Variants in FAM135B observed in about 807,000 individuals in gnomAD.
FAM135B encodes protein FAM135B.
A neutral mutation model predicts 127.7 loss-of-function variants in FAM135B; 43 were observed. The ratio of observed to expected loss-of-function variants is 0.34; its 90% CI spans 0.26 to 0.43. The LOEUF (loss-of-function observed/expected upper bound fraction) is 0.43. Among genes scored for constraint, FAM135B ranks in the 20% least tolerant of loss-of-function variants. FAM135B has a pLI of 1.00. For missense variants in FAM135B, 1,558 were observed against 1,725.6 expected (o/e 0.90, Z 1.72); for synonymous variants, 670 against 665.1 (o/e 1.01, Z -0.11).
intron 8 of FAM135B, among the ~76,000 whole-genome samples, chr8:138,196,087 T>C (rs1816605530): frequency 6.6e-6 from 1 of 152,266 alleles, no homozygotes; most frequent in Non-Finnish European, 1.5e-5. Flanking sequence ...GTCACGGCTA[T>C]GTATCCTCAG....
chr8:138,176,637 G>C (rs763043685), intron 11 of FAM135B, among the ~76,000 whole-genome samples: 3 of 152,146 alleles, frequency 2.0e-5, no homozygotes, highest in Non-Finnish European at 4.4e-5. Context: ...AAGTCTCCAC[G>C]TCCATCTTGA....
chr8:138,220,658 G>A (rs766152844), intron 7 of FAM135B, among the ~76,000 whole-genome samples: 3 of 151,976 alleles, frequency 2.0e-5, no homozygotes, highest in Non-Finnish European at 4.4e-5. Flanking sequence ...GGATGGTAAT[G>A]ATGCTAGTGG....
intron 3 of FAM135B, among the ~76,000 whole-genome samples, chr8:138,267,969 T>G (rs1002997374): frequency 6.6e-6 from 1 of 152,186 alleles, no homozygotes; most frequent in Non-Finnish European, 1.5e-5. Context: ...GCCCCACTGA[T>G]CTATAAGCCA....
At chr8:138,412,687 G>T (rs1411618611) in intron 1 of FAM135B, among the ~76,000 whole-genome samples, 1 of 152,196 alleles carries the variant, frequency 6.6e-6, no homozygotes, top group Non-Finnish European at 1.5e-5. Context: ...TCTTTGACCA[G>T]AGGGCAATGG....
At chr8:138,137,290 T>C (rs576943673) in intron 18 of FAM135B, 30 bp from the exon 19 acceptor site, 3 of 1,227,722 alleles carry the variant, frequency 2.4e-6, no homozygotes, top group East Asian at 4.6e-5. Flanking sequence ...GAGTGCTTTT[T>C]ACCCAGGTAG....
intron 1 of FAM135B, among the ~76,000 whole-genome samples, chr8:138,485,840 G>T (rs1156877157): frequency 6.6e-6 from 1 of 152,126 alleles, no homozygotes; most frequent in African/African-American, 2.4e-5. Flanking sequence ...CAAAAAGCAA[G>T]CTAAGAGACG....
Position 138,286,795 on chromosome 8 carries a change from G to A in FAM135B, c.158-20953C>T, listed in dbSNP as rs73439098. 2.8e-3 allele frequency among the ~76,000 whole-genome samples: 429 copies of A among 152,290 alleles called. 1 individual carries two copies. Among genetic ancestry groups the A allele is most frequent in the African/African-American group, 9.2e-3 (381 of 41,572 alleles). Reference sequence around the variant, plus strand: ...GCACACTCAGTCAGCAGGGAGCCTCGGGAGGAGAGTCACTCATGAGGGACC... The same window carrying A: ...GCACACTCAGTCAGCAGGGAGCCTCAGGAGGAGAGTCACTCATGAGGGACC... On this transcript the variant is annotated intron_variant, in intron 3 of 19. Transcript: ENST00000395297.
intron 7 of FAM135B, among the ~76,000 whole-genome samples, chr8:138,239,920 G>A (rs1434398427): frequency 4.8e-5 from 7 of 146,988 alleles, no homozygotes; most frequent in Non-Finnish European, 7.4e-5. Context: ...AACACCGCAT[G>A]TTCTCACTCA....
At chr8:138,192,396 G>A (rs1370497988) in intron 9 of FAM135B, among the ~76,000 whole-genome samples, 1 of 152,200 alleles carries the variant, frequency 6.6e-6, no homozygotes, top group Non-Finnish European at 1.5e-5. Context: ...GAACTAGACT[G>A]CCTTTGTAAG....
At chr8:138,134,308 G>T (rs1259839085) in intron 19 of FAM135B, among the ~76,000 whole-genome samples, 1 of 152,076 alleles carries the variant, frequency 6.6e-6, no homozygotes, top group Non-Finnish European at 1.5e-5. Flanking sequence ...CCAATAAATG[G>T]AAATAGAAGC....
intron 2 of FAM135B, among the ~76,000 whole-genome samples, chr8:138,356,049 C>A (rs929462962): frequency 5.9e-5 from 9 of 152,146 alleles, no homozygotes; most frequent in Non-Finnish European, 1.2e-4. Flanking sequence ...TGTGACAGGG[C>A]AGCATTTGCC....
At chr8:138,318,806 G>A (rs1178363371) in intron 2 of FAM135B, among the ~76,000 whole-genome samples, 3 of 152,100 alleles carry the variant, frequency 2.0e-5, no homozygotes, top group Non-Finnish European at 4.4e-5. Context: ...ATAGGAATAG[G>A]GTGAAAGTTT....
In FAM135B at chr8:138,367,916, A is replaced by G. The variant is rs769090695; in HGVS notation, c.68T>C (p.Phe23Ser). 1.2e-6 allele frequency: 2 copies of G among 1,609,128 alleles called. No homozygotes were observed. Among genetic ancestry groups the G allele is most frequent in the Admixed American group, 3.3e-5 (2 of 59,972 alleles). ...TGTAAAGCATACTTACCCTCTCTGA[A>G]AGAGATCCACATTATAAAATTTATG... is the stretch of plus-strand genomic sequence containing the variant. ...ELHKFYNVDL[F>S]QRGYYQIRVT... The change falls in exon 2 of 20, where the codon TTT (phenylalanine) becomes TCT (serine). Residue 23 changes from phenylalanine to serine, a missense_variant. Phe to Ser is a radical substitution (Grantham distance 155). Coordinates refer to ENST00000395297, the MANE Select transcript of FAM135B (RefSeq NM_015912.4).
chr8:138,290,125 G>C (rs1824993505), intron 3 of FAM135B, among the ~76,000 whole-genome samples: 2 of 152,198 alleles, frequency 1.3e-5, no homozygotes, highest in Non-Finnish European at 2.9e-5. Context: ...TCCACATCAT[G>C]AATCATCACC....
intron 5 of FAM135B, 136 bp downstream of exon 5, chr8:138,256,553 G>A (rs1043548681): frequency 1.4e-6 from 1 of 711,660 alleles, no homozygotes; most frequent in African/African-American, 1.8e-5. Flanking sequence ...CCCTGAGTCA[G>A]GGACATTGCA....
chr8:138,267,812 G>T (rs2130650740), intron 3 of FAM135B, among the ~76,000 whole-genome samples: 1 of 152,314 alleles, frequency 6.6e-6, no homozygotes, highest in East Asian at 1.9e-4. Context: ...ACTTTGTCAT[G>T]AAGGCAATAA....
chr8:138,458,396 C>G (rs1164534110), intron 1 of FAM135B, among the ~76,000 whole-genome samples: 1 of 152,096 alleles, frequency 6.6e-6, no homozygotes, highest in East Asian at 1.9e-4. Flanking sequence ...AGATGGAGAT[C>G]TGAAGTAAGG....
intron 2 of FAM135B, among the ~76,000 whole-genome samples, chr8:138,342,547 T>C (rs759598797): frequency 2.1e-4 from 32 of 152,164 alleles, no homozygotes; most frequent in Non-Finnish European, 4.4e-5. Context: ...TTAGAACATA[T>C]CCATGTAGAC....
chr8:138,257,276 T>G (rs1028021), intron 4 of FAM135B, among the ~76,000 whole-genome samples: 76,473 of 151,860 alleles, frequency 0.5, 19,422 homozygotes, highest in East Asian at 0.72. Context: ...GGTCACTTCT[T>G]CAGGCGTCCC....
Sources: gnomAD v4.1 joint callset for allele counts (sites outside exome capture counted in the v4.1 genomes callset) on GRCh38, gnomAD v4.1.1 for gene constraint, MANE v1.5 for transcripts, NCBI Gene and HGNC (gene_info 2026-07-23, HGNC 2026-07-21) for gene names.